Variants in ZBTB18 observed in about 807,000 individuals in gnomAD.
ZBTB18 encodes the protein zinc finger and BTB domain containing 18, also known as zinc finger and BTB domain-containing protein 18.
In ZBTB18, 2 loss-of-function variants were observed where a neutral mutation model predicts 37.7. The observed-to-expected ratio is 0.05, with a 90% CI of 0.02 to 0.17. The LOEUF (loss-of-function observed/expected upper bound fraction) is 0.17. Ranked by LOEUF, ZBTB18 falls within the 10% of genes least tolerant of loss-of-function variation. The pLI, the probability that ZBTB18 is intolerant of heterozygous loss-of-function variation, is 1.00. For synonymous variants in ZBTB18, 304 were observed against 276.5 expected (o/e 1.10, Z -0.99); for missense variants, 408 against 686.3 (o/e 0.59, Z 4.53).
intron 1 of ZBTB18, among the ~76,000 whole-genome samples, chr1:244,051,938 C>T (rs1698363483): frequency 1.3e-5 from 2 of 152,084 alleles, no homozygotes; most frequent in South Asian, 4.1e-4. Flanking sequence ...GTTGAAACTG[C>T]AGGTTTTTAA....
In ZBTB18 at chr1:244,056,162, C is replaced by T. The variant is rs1281691865; in HGVS notation, c.*792C>T. On this transcript the variant is annotated 3_prime_UTR_variant, in exon 2 of 2. Transcript: ENST00000358704. ...GAGTCTTGAAAAGTAAATATTAACG[C>T]TACAGAAATGCATGAGTTTCAATAT... 1 of 166,984 alleles carries T rather than the reference C, an allele frequency of 6.0e-6. No individual in the cohort carries two copies. Among genetic ancestry groups the T allele is most frequent in the Non-Finnish European group, 1.5e-5 (1 of 68,102 alleles). 10.3% of individuals were successfully genotyped at this position (166,984 alleles called of 1,614,324 possible). A position where few individuals can be genotyped will look rare whatever the true frequency, so the allele number is the denominator to read the frequency against.
intron 1 of ZBTB18, 154 bp downstream of exon 1, chr1:244,051,598 C>A: frequency 2.6e-6 from 1 of 390,690 alleles, no homozygotes; most frequent in Non-Finnish European, 3.5e-6. Context: ...AAGTCTTGAG[C>A]TTGTTTAGTT....
Position 244,054,642 on chromosome 1 carries a change from G to A in ZBTB18, c.868G>A (p.Asp290Asn), listed in dbSNP as rs1558149399. Reference protein sequence around the residue: ...QVKVEKEASCDESDVGTNDYD... With the variant: ...QVKVEKEASCNESDVGTNDYD... Reference sequence around the variant, plus strand: ...GAAGGTGGAGAAAGAGGCTTCCTGTGATGAGAGTGATGTTGGCACTAATGA... The same window carrying A: ...GAAGGTGGAGAAAGAGGCTTCCTGTAATGAGAGTGATGTTGGCACTAATGA... Residue 290 changes from aspartate to asparagine, a missense_variant, in exon 2 of 2, where the codon GAT (aspartate) becomes AAT (asparagine). By Grantham distance (23) the Asp-to-Asn change is conservative (BLOSUM62 1). This residue lies in a region of ZBTB18 where 266 missense variants were observed against 312.0 expected (regional missense o/e 0.85). Transcript: ENST00000358704. The surrounding 1 kb of genome is among the most constrained non-coding windows in gnomAD (Gnocchi z 9.0). 1 of 1,614,228 alleles carries A rather than the reference G, an allele frequency of 6.2e-7. No homozygotes were observed. The highest frequency in any genetic ancestry group is 8.5e-7 in the Non-Finnish European group (1 of 1,180,040).
rs1483959446 is a variant in ZBTB18, at chr1:244,054,748, C to T, written c.974C>T (p.Pro325Leu). 1 of 1,614,124 alleles carries T rather than the reference C, an allele frequency of 6.2e-7. No individual in the cohort carries two copies. Among genetic ancestry groups the T allele is most frequent in the Admixed American group, 1.7e-5 (1 of 60,030 alleles). ...RVQYEPAHLA[P>L]LREDSVLREL... Reference sequence around the variant, plus strand: ...CAGTATGAGCCGGCCCATCTGGCTCCCCTGAGGGAGGACTCGGTCTTGAGG... The same window carrying T: ...CAGTATGAGCCGGCCCATCTGGCTCTCCTGAGGGAGGACTCGGTCTTGAGG... The change falls in exon 2 of 2, where the codon CCC becomes CTC. Residue 325 changes from proline (P) to leucine (L), a missense_variant. Around this residue, in one of 4 missense-constraint regions of ZBTB18, gnomAD observed 266 missense variants for 312.0 expected, o/e 0.85. Coordinates refer to ENST00000358704, the MANE Select transcript of ZBTB18 (RefSeq NM_205768.3). This position sits in a 1 kb window ranked among gnomAD's most constrained non-coding sequence, Gnocchi z 9.0.
Position 244,054,780 on chromosome 1 carries a change from G to A in ZBTB18, c.1006G>A (p.Asp336Asn). The A allele has an allele frequency of 6.2e-7, 1 of 1,614,142 alleles. No homozygotes were observed. Among genetic ancestry groups the A allele is most frequent in the Non-Finnish European group, 8.5e-7 (1 of 1,180,012 alleles). The change falls in exon 2 of 2, where the codon GAC becomes AAC. Residue 336 changes from aspartate to asparagine, a missense_variant. Coordinates refer to ENST00000358704, the MANE Select transcript of ZBTB18 (RefSeq NM_205768.3). This position sits in a 1 kb window ranked among gnomAD's most constrained non-coding sequence, Gnocchi z 9.0. ...GGAGGACTCGGTCTTGAGGGAGCTG[G>A]ACCGGGAGGACAAAGCCAGTGATGA... is the stretch of plus-strand genomic sequence containing the variant. The part of the protein sequence containing the change: ...LREDSVLREL[D>N]REDKASDDEM...
chr1:244,051,421 TA>T lies in ZBTB18; in HGVS notation c.-9del, dbSNP rs1167856094. The stretch of plus-strand genomic sequence containing the variant: ...CCAGCAGGACTCAGAGGAAAGGACT[TA>T]ATCAGGTTTATGTGTCCTAAAGGTA... On this transcript the variant is annotated 5_prime_UTR_variant, in exon 1 of 2. Transcript: ENST00000358704. 1 of 1,614,184 alleles carries T rather than the reference TA, an allele frequency of 6.2e-7. No homozygotes were observed. Among genetic ancestry groups the T allele is most frequent in the East Asian group, 2.2e-5 (1 of 44,882 alleles).
In ZBTB18 at chr1:244,054,995, C is replaced by A. The variant is rs772322715; in HGVS notation, c.1221C>A (p.Gly407=). The change falls in exon 2 of 2, where the codon GGC becomes GGA. Residue 407 remains glycine (G), a synonymous_variant. Coordinates refer to ENST00000358704, the MANE Select transcript of ZBTB18 (RefSeq NM_205768.3). The surrounding 1 kb of genome is among the most constrained non-coding windows in gnomAD (Gnocchi z 9.0). ...GCACGCACTTCCGCGAGCAGGACGG[C>A]ATCCGCAGCAAGCCCGCCGCCGATG... ...HLSTHFREQD[G]IRSKPAADVN... 3 of 1,614,124 alleles carry A rather than the reference C, an allele frequency of 1.9e-6. No homozygotes were observed. In the East Asian group the frequency reaches 6.7e-5, roughly 36 times the overall value.
At chr1:244,048,825 G>T (rs1315370624), upstream of ZBTB18, 1 of 148,112 alleles carries the variant, frequency 6.8e-6, no homozygotes, top group Non-Finnish European at 1.5e-5. Flanking sequence ...GGGCGGGGGG[G>T]AGCGGGCGAC....
At chr1:244,048,703 T>G (rs1698285525), upstream of ZBTB18, among the ~76,000 whole-genome samples, 1 of 139,036 alleles carries the variant, frequency 7.2e-6, no homozygotes, top group South Asian at 2.6e-4. Flanking sequence ...CCTCGCTGTG[T>G]CTGGCAGGCT....
chr1:244,054,783 C>T lies in ZBTB18; in HGVS notation c.1009C>T (p.Arg337Trp), dbSNP rs1698422829. ...GGACTCGGTCTTGAGGGAGCTGGAC[C>T]GGGAGGACAAAGCCAGTGATGATGA... ...REDSVLRELDREDKASDDEMM... is the reference protein window; with the variant it reads ...REDSVLRELDWEDKASDDEMM... Residue 337 changes from arginine to tryptophan, a missense_variant, in exon 2 of 2, where the codon CGG (arginine) becomes TGG (tryptophan). By Grantham distance (101) the Arg-to-Trp change is moderately radical. Around this residue, in one of 4 missense-constraint regions of ZBTB18, gnomAD observed 266 missense variants for 312.0 expected, o/e 0.85. Coordinates refer to ENST00000358704, the MANE Select transcript of ZBTB18 (RefSeq NM_205768.3). The surrounding 1 kb of genome is among the most constrained non-coding windows in gnomAD (Gnocchi z 9.0). The T allele has an allele frequency of 3.1e-6, 5 of 1,614,068 alleles. No individual in the cohort carries two copies. The highest frequency in any genetic ancestry group is 4.2e-6 in the Non-Finnish European group (5 of 1,179,996).
In ZBTB18 at chr1:244,053,590, A is replaced by C; in HGVS notation, c.14-198A>C. On this transcript the variant is annotated intron_variant, in intron 1 of 1. Coordinates refer to ENST00000358704, the MANE Select transcript of ZBTB18 (RefSeq NM_205768.3). The surrounding 1 kb of genome is among the most constrained non-coding windows in gnomAD (Gnocchi z 5.2). ...GGAAGCTCTTTGGCGGGGGTGAGGA[A>C]GTTCAGAAAGTGTGCATTTTCCTTC... 1 of 344,414 alleles carries C rather than the reference A, an allele frequency of 2.9e-6. No homozygotes were observed. Among genetic ancestry groups the C allele is most frequent in the Non-Finnish European group, 4.1e-6 (1 of 244,180 alleles). The allele number at this position is 344,414 out of a possible 1,614,324, so 21.3% of individuals were successfully genotyped here.
chr1:244,048,698 CTG>C (rs1698285474), upstream of ZBTB18, among the ~76,000 whole-genome samples: 1 of 146,214 alleles, frequency 6.8e-6, no homozygotes, highest in African/African-American at 2.5e-5. Context: ...CGCTCCCTCG[CTG>C]TGTCTGGCAG....
Position 244,054,977 on chromosome 1 carries a change from C to T in ZBTB18, c.1203C>T (p.His401=), listed in dbSNP as rs772648744. 1.3e-5 allele frequency: 21 copies of T among 1,614,128 alleles called. No homozygotes were observed. Among genetic ancestry groups the T allele is most frequent in the Non-Finnish European group, 1.6e-5 (19 of 1,180,036 alleles). Reference sequence around the variant, plus strand: ...TCCTGCAGATCCACCTGAGCACGCACTTCCGCGAGCAGGACGGCATCCGCA... The same window carrying T: ...TCCTGCAGATCCACCTGAGCACGCATTTCCGCGAGCAGGACGGCATCCGCA... The part of the protein sequence containing the change: ...PHILQIHLST[H]FREQDGIRSK... Residue 401 remains histidine, a synonymous_variant, in exon 2 of 2, where the codon CAC becomes CAT. Transcript: ENST00000358704. The surrounding 1 kb of genome is among the most constrained non-coding windows in gnomAD (Gnocchi z 9.0).
At position 244,057,320 on chromosome 1, in the gene ZBTB18, G is replaced by C. The variant is rs1403144315; in HGVS notation, c.*1950G>C. The C allele has an allele frequency of 6.0e-6, 1 of 166,808 alleles. No homozygotes were observed. Among genetic ancestry groups the C allele is most frequent in the Non-Finnish European group, 1.5e-5 (1 of 68,078 alleles). The allele number at this position is 166,808 out of a possible 1,614,324, so 10.3% of individuals were successfully genotyped here. A position where few individuals can be genotyped will look rare whatever the true frequency, so the allele number is the denominator to read the frequency against. On this transcript the variant is annotated 3_prime_UTR_variant, in exon 2 of 2. Transcript: ENST00000358704. ...TTTCTTAGTTTCACATTCTTCCTTTGTTCTAAAACTTAGACTGACATCTAG... is the reference window on the plus strand; with the variant it reads ...TTTCTTAGTTTCACATTCTTCCTTTCTTCTAAAACTTAGACTGACATCTAG...
In ZBTB18 at chr1:244,053,886, C is replaced by G. The variant is rs370127744; in HGVS notation, c.112C>G (p.Leu38Val). ...HQGFLCDCTV[L>V]VGDAQFRAHR... is the part of the protein sequence containing the mutation. ...GGGTTTTCTTTGTGACTGCACTGTT[C>G]TGGTGGGAGATGCCCAGTTCCGAGC... Residue 38 changes from leucine (L) to valine (V), a missense_variant, in exon 2 of 2, where the codon CTG becomes GTG. Around this residue, in one of 4 missense-constraint regions of ZBTB18, gnomAD observed 95 missense variants for 218.7 expected, o/e 0.43. Coordinates refer to ENST00000358704, the MANE Select transcript of ZBTB18 (RefSeq NM_205768.3). This position sits in a 1 kb window ranked among gnomAD's most constrained non-coding sequence, Gnocchi z 5.2. The G allele has an allele frequency of 6.2e-7, 1 of 1,614,118 alleles. No individual in the cohort carries two copies. The highest frequency in any genetic ancestry group is 2.2e-5 in the East Asian group (1 of 44,860).
rs564973400 is a variant in ZBTB18, at chr1:244,056,221, A to C, written c.*851A>C. 1 of 167,188 alleles carries C rather than the reference A, an allele frequency of 6.0e-6. No individual in the cohort carries two copies. Among genetic ancestry groups the C allele is most frequent in the Admixed American group, 6.5e-5 (1 of 15,302 alleles). 10.4% of individuals were successfully genotyped at this position (167,188 alleles called of 1,614,324 possible). A position where few individuals can be genotyped will look rare whatever the true frequency, so the allele number is the denominator to read the frequency against. ...TCTTTGTTTGCATTGTATAACTTTA[A>C]CGAGTGAGTTTAAAATTATTTAATT... On this transcript the variant is annotated 3_prime_UTR_variant, in exon 2 of 2. Transcript: ENST00000358704.
In ZBTB18 at chr1:244,056,290, T is replaced by C. The variant is rs1257544952; in HGVS notation, c.*920T>C. 1 of 167,138 alleles carries C rather than the reference T, an allele frequency of 6.0e-6. No homozygotes were observed. The highest frequency in any genetic ancestry group is 2.1e-4 in the South Asian group (1 of 4,836). 10.4% of individuals were successfully genotyped at this position (167,138 alleles called of 1,614,324 possible). On this transcript the variant is annotated 3_prime_UTR_variant, in exon 2 of 2. Transcript: ENST00000358704. ...CATTTGGAAAAAAAAACTGGTGTTATGAAGAACGTAAATGCACTGTTTTTA... is the reference window on the plus strand; with the variant it reads ...CATTTGGAAAAAAAAACTGGTGTTACGAAGAACGTAAATGCACTGTTTTTA...
chr1:244,053,229 T>C lies in ZBTB18; in HGVS notation c.14-559T>C, dbSNP rs1348997396. 6.6e-6 allele frequency among the ~76,000 whole-genome samples: 1 copy of C among 152,208 alleles called. No individual in the cohort carries two copies. Among genetic ancestry groups the C allele is most frequent in the East Asian group, 1.9e-4 (1 of 5,196 alleles). Reference sequence around the variant, plus strand: ...AGTTGTTTGCTAATTTCTGGACTAATTATGCAATTTCATTTTTTTTTCTTG... The same window carrying C: ...AGTTGTTTGCTAATTTCTGGACTAACTATGCAATTTCATTTTTTTTTCTTG... On this transcript the variant is annotated intron_variant, in intron 1 of 1. Transcript: ENST00000358704. The surrounding 1 kb of genome is among the most constrained non-coding windows in gnomAD (Gnocchi z 5.2).
upstream of ZBTB18, chr1:244,051,196 G>C (rs1698341818): frequency 2.1e-6 from 1 of 485,148 alleles, no homozygotes; most frequent in South Asian, 3.6e-5. Context: ...CACAGCTGGA[G>C]GTAGCATTTC....
Sources: gnomAD v4.1 joint callset for allele counts (sites outside exome capture counted in the v4.1 genomes callset) on GRCh38, gnomAD v4.1.1 for gene constraint, gnomAD v4.1.1 regional missense constraint, Gnocchi (gnomAD v3.1) non-coding constraint, MANE v1.5 for transcripts, NCBI Gene and HGNC (gene_info 2026-07-23, HGNC 2026-07-21) for gene names.